Variants in PPP1R3F observed in about 807,000 individuals in gnomAD.
PPP1R3F encodes the protein protein phosphatase 1 regulatory subunit 3F.
A neutral mutation model predicts 24.2 loss-of-function variants in PPP1R3F; 29 were observed. That is an observed-to-expected ratio of 1.20 (90% CI 0.89 to 1.63). The LOEUF is 1.63. Among genes scored for constraint, PPP1R3F ranks in the 40% most tolerant of loss-of-function variants. The pLI, the probability that PPP1R3F is intolerant of heterozygous loss-of-function variation, is 0.00. For missense variants in PPP1R3F, 823 were observed against 729.3 expected (o/e 1.13, Z -1.48); for synonymous variants, 363 against 340.1 (o/e 1.07, Z -0.74).
intron 1 of PPP1R3F, among the ~76,000 whole-genome samples, chrX:49,276,398 C>T (rs1012199768): frequency 8.9e-6 from 1 of 112,404 alleles, no homozygotes; most frequent in East Asian, 2.8e-4. Flanking sequence ...GGTTAAGTAA[C>T]TTGCCCCAGG....
At chrX:49,296,913 C>T (rs1436787139) in intron 3 of PPP1R3F, among the ~76,000 whole-genome samples, 1 of 111,340 alleles carries the variant, frequency 9.0e-6, no homozygotes, top group Non-Finnish European at 1.9e-5. Flanking sequence ...TTTGCATTTG[C>T]TGAGGAGTGT....
rs1173297376 is a variant in PPP1R3F, at chrX:49,286,634, G to A, written c.1944G>A (p.Lys648=). The A allele has an allele frequency of 8.3e-6, 10 of 1,210,709 alleles. No individual in the cohort carries two copies. The highest frequency in any genetic ancestry group is 1.1e-5 in the Non-Finnish European group (10 of 894,720). ...GGGATCCTGAGAAAGGGATGGGCAAGGACACCAGCTCTTTGCACATGAATA... is the reference window on the plus strand; with the variant it reads ...GGGATCCTGAGAAAGGGATGGGCAAAGACACCAGCTCTTTGCACATGAATA... The part of the protein sequence containing the change: ...FIGDPEKGMG[K]DTSSLHMNRV... The change falls in exon 4 of 4, where the codon AAG becomes AAA. Residue 648 remains lysine (K), a synonymous_variant. Transcript: ENST00000055335.
chrX:49,291,422 G>A (rs187044860), downstream of PPP1R3F, among the ~76,000 whole-genome samples: 428 of 108,130 alleles, frequency 4.0e-3, 3 homozygotes, highest in Non-Finnish European at 5.5e-3. Context: ...CTGCCCCCTG[G>A]GTTCAAGAGA....
intron 1 of PPP1R3F, chrX:49,273,065 C>T (rs1316041812): frequency 9.7e-6 from 1 of 102,571 alleles, no homozygotes. Flanking sequence ...TCGAGGTATA[C>T]CTACATAAAG....
intron 3 of PPP1R3F, among the ~76,000 whole-genome samples, chrX:49,297,040 C>A (rs1179925940): frequency 2.7e-5 from 3 of 110,087 alleles, no homozygotes; most frequent in East Asian, 5.6e-4. Flanking sequence ...CCCGCTTGGT[C>A]CAGAGCTGAG....
intron 1 of PPP1R3F, among the ~76,000 whole-genome samples, chrX:49,277,607 A>G (rs2066222417): frequency 1.8e-5 from 2 of 112,550 alleles, no homozygotes; most frequent in Non-Finnish European, 3.8e-5. Flanking sequence ...GTGAGTCAGT[A>G]TACATTTGTA....
intron 3 of PPP1R3F, among the ~76,000 whole-genome samples, chrX:49,284,380 C>A (rs782464762): frequency 9.3e-6 from 1 of 107,263 alleles, no homozygotes; most frequent in African/African-American, 3.4e-5. Flanking sequence ...CTTTCCTTTC[C>A]TTTCTTTCCT....
Position 49,270,889 on chromosome X carries a change from G to A in PPP1R3F, c.1004+16G>A, listed in dbSNP as rs377106310. On this transcript the variant is annotated intron_variant, in intron 1 of 3. Coordinates refer to ENST00000055335, the MANE Select transcript of PPP1R3F (RefSeq NM_033215.5). ...TGAGGCGCAGGTAATGTCAGCCAGC[G>A]CCACCTCCGCCAACGCAGGGCTGTG... The A allele has an allele frequency of 3.5e-6, 4 of 1,156,541 alleles. No individual in the cohort carries two copies. The highest frequency in any genetic ancestry group is 2.0e-5 in the South Asian group (1 of 50,327).
chrX:49,299,626 A>G (rs1557123141), intron 3 of PPP1R3F, among the ~76,000 whole-genome samples: 2 of 111,817 alleles, frequency 1.8e-5, no homozygotes, highest in African/African-American at 6.5e-5. Flanking sequence ...CCCTTCCCCC[A>G]GGTGCTCTGT....
At chrX:49,282,928 C>T (rs868975282) in intron 3 of PPP1R3F, among the ~76,000 whole-genome samples, 1 of 108,206 alleles carries the variant, frequency 9.2e-6, no homozygotes, top group African/African-American at 3.4e-5. Context: ...TGGAAACAGG[C>T]GACTCGTGAA....
intron 1 of PPP1R3F, chrX:49,275,496 T>C (rs1389501219): frequency 8.9e-6 from 1 of 112,091 alleles, no homozygotes; most frequent in Non-Finnish European, 1.9e-5. Flanking sequence ...CTTGCTCGTT[T>C]TGCTTTTCAG....
At chrX:49,291,274 C>T (rs1453516716), downstream of PPP1R3F, among the ~76,000 whole-genome samples, 2 of 99,941 alleles carry the variant, frequency 2.0e-5, no homozygotes, top group Non-Finnish European at 4.0e-5. Flanking sequence ...GGCATGAGCA[C>T]GTCCAGCCTA....
In PPP1R3F at chrX:49,269,966, GC is replaced by G; in HGVS notation, c.101del (p.Pro34ArgfsTer138). 1.1e-6 allele frequency: 1 copy of G among 908,624 alleles called. No individual in the cohort carries two copies. Among genetic ancestry groups the G allele is most frequent in the African/African-American group, 2.1e-5 (1 of 48,182 alleles). The allele number at this position is 908,624 out of a possible 1,213,427, so 74.9% of individuals were successfully genotyped here. Reference protein sequence around the residue: ...EPRTSVEAAVAPRRVLFADEA... With the variant: ...EPRTSVEAAVXPRRVLFADEA... ...CCGCACCTCGGTCGAGGCGGCGGTG[GC>G]CCCGCGGAGGGTGCTGTTCGCCGAC... On this transcript the variant is annotated frameshift_variant, in exon 1 of 4. Transcript: ENST00000055335. LOFTEE classifies it high-confidence loss of function.
Position 49,286,957 on chromosome X carries a change from C to T in PPP1R3F, c.2267C>T (p.Pro756Leu), listed in dbSNP as rs782453985. The T allele has an allele frequency of 2.5e-6, 3 of 1,210,529 alleles. No individual in the cohort carries two copies. The highest frequency in any genetic ancestry group is 1.7e-5 in the African/African-American group (1 of 57,910). ...AVPAECVCAL[P>L]PQLRGPLTQT... ...CCTGCAGAATGTGTGTGTGCACTGC[C>T]TCCTCAGCTCCGGGGGCCCTTGACC... The change falls in exon 4 of 4, where the codon CCT (proline) becomes CTT (leucine). Residue 756 changes from proline to leucine, a missense_variant. By Grantham distance (98) the Pro-to-Leu change is moderately conservative. Transcript: ENST00000055335.
rs1359954949 is a variant in PPP1R3F at position 49,269,859 on chromosome X, C to T, written c.-11C>T. The stretch of plus-strand genomic sequence containing the variant: ...GCCGCCGGTGCCGTCGGTGCCGCCG[C>T]CGCCGCCGATATGGCGCGTACGGCC... On this transcript the variant is annotated 5_prime_UTR_variant, in exon 1 of 4. Coordinates refer to ENST00000055335, the MANE Select transcript of PPP1R3F (RefSeq NM_033215.5). 2.8e-5 allele frequency: 25 copies of T among 889,991 alleles called. No individual in the cohort carries two copies. Among genetic ancestry groups the T allele is most frequent in the Non-Finnish European group, 3.3e-5 (24 of 724,515 alleles). 73.3% of individuals were successfully genotyped at this position (889,991 alleles called of 1,213,427 possible). A position where few individuals can be genotyped will look rare whatever the true frequency, so the allele number is the denominator to read the frequency against.
At chrX:49,301,375 A>G (rs782427603) in exon 4 of PPP1R3F, 33 of 626,297 alleles carry the variant, frequency 5.3e-5, no homozygotes, top group Non-Finnish European at 2.7e-5. Flanking sequence ...CGGAGTTAAA[A>G]GAAGACAAGC....
At chrX:49,298,337 TG>T (rs2066329118) in intron 3 of PPP1R3F, among the ~76,000 whole-genome samples, 1 of 112,416 alleles carries the variant, frequency 8.9e-6, no homozygotes, top group African/African-American at 3.2e-5. Flanking sequence ...TGTTGAATAT[TG>T]GCCCCCACTC....
chrX:49,270,368 T>G lies in PPP1R3F; in HGVS notation c.499T>G (p.Leu167Val). The part of the protein sequence containing the change: ...PGGRPPVLRG[L>V]VRVLNRSFEK... ...GGGCCGCCCGCCGGTGCTGCGCGGG[T>G]TGGTACGCGTGCTGAACCGCTCCTT... is the stretch of plus-strand genomic sequence containing the variant. The change falls in exon 1 of 4, where the codon TTG becomes GTG. Residue 167 changes from leucine (L) to valine (V), a missense_variant. Coordinates refer to ENST00000055335, the MANE Select transcript of PPP1R3F (RefSeq NM_033215.5). 1 of 1,157,145 alleles carries G rather than the reference T, an allele frequency of 8.6e-7. No individual in the cohort carries two copies. The highest frequency in any genetic ancestry group is 1.1e-6 in the Non-Finnish European group (1 of 874,092).
chrX:49,293,365 C>T (rs1557122535), intron 3 of PPP1R3F, among the ~76,000 whole-genome samples: 1 of 112,481 alleles, frequency 8.9e-6, no homozygotes, highest in African/African-American at 3.2e-5. Flanking sequence ...TTTTTTGCCA[C>T]TATAAACTAT....
Sources: gnomAD v4.1 joint callset for allele counts (sites outside exome capture counted in the v4.1 genomes callset) on GRCh38, gnomAD v4.1.1 for gene constraint, MANE v1.5 for transcripts, NCBI Gene and HGNC (gene_info 2026-07-23, HGNC 2026-07-21) for gene names.